The following PYM1 variants were observed in gnomAD, a reference collection of about 807,000 sequenced individuals.
PYM1 encodes the protein partner of Y14 and mago.
In PYM1, 7 loss-of-function variants were observed where a neutral mutation model predicts 20.7. The observed-to-expected ratio is 0.34, with a 90% CI of 0.19 to 0.64. The LOEUF is 0.64. Among genes scored for constraint, PYM1 ranks in the 30% least tolerant of loss-of-function variants. PYM1 has a pLI of 0.74. For synonymous variants in PYM1, 100 were observed against 99.2 expected, an observed-to-expected ratio of 1.01 and a Z score of -0.05; for missense variants, 194 against 250.0, an observed-to-expected ratio of 0.78 and a Z score of 1.51.
chr12:55,908,441 A>G (rs547445176), intron 1 of PYM1, among the ~76,000 whole-genome samples: 1 of 151,344 alleles, frequency 6.6e-6, no homozygotes, highest in East Asian at 1.9e-4. Context: ...AAAAAAAAAA[A>G]GAAGAAAGAA....
At chr12:55,911,185 T>A (rs1345338337) in intron 1 of PYM1, among the ~76,000 whole-genome samples, 1 of 152,194 alleles carries the variant, frequency 6.6e-6, no homozygotes, top group Non-Finnish European at 1.5e-5. Context: ...CTCTGCTCAC[T>A]GCAACCTCCG....
chr12:55,901,849 C>A lies in PYM1; in HGVS notation c.*23G>T. 1 of 1,582,562 alleles carries A rather than the reference C, an allele frequency of 6.3e-7. No homozygotes were observed. The highest frequency in any genetic ancestry group is 1.2e-5 in the South Asian group (1 of 86,450). The stretch of plus-strand genomic sequence containing the variant: ...AGAGCCCCACGGTTTGTTCTGCAGT[C>A]CATTCCCTATTCCCCAAAGGCCTCA... On this transcript the variant is annotated 3_prime_UTR_variant, in exon 3 of 3. Coordinates refer to ENST00000408946, the MANE Select transcript of PYM1 (RefSeq NM_032345.3).
intron 1 of PYM1, among the ~76,000 whole-genome samples, chr12:55,915,356 C>G (rs947998183): frequency 4.6e-5 from 7 of 151,592 alleles, no homozygotes; most frequent in Non-Finnish European, 1.0e-4. Flanking sequence ...AATACAGCCT[C>G]AGAAAAGCAC....
chr12:55,904,706 GTC>G (rs1482312136), intron 1 of PYM1, among the ~76,000 whole-genome samples: 1 of 151,104 alleles, frequency 6.6e-6, no homozygotes, highest in East Asian at 2.0e-4. Context: ...GTGAAACCCT[GTC>G]TCTACTAAAA....
At chr12:55,903,909 T>C (rs1239526281) in intron 1 of PYM1, among the ~76,000 whole-genome samples, 2 of 152,180 alleles carry the variant, frequency 1.3e-5, no homozygotes, top group Non-Finnish European at 2.9e-5. Flanking sequence ...TAGGAATTCA[T>C]ACCATAGATA....
chr12:55,923,211 C>G (rs937756387), intron 1 of PYM1, among the ~76,000 whole-genome samples: 15 of 149,918 alleles, frequency 1.0e-4, no homozygotes, highest in African/African-American at 4.9e-5. Context: ...GCAACAAGAG[C>G]AGAACTCCGT....
chr12:55,914,555 A>T (rs367810337), intron 1 of PYM1, among the ~76,000 whole-genome samples: 1 of 152,170 alleles, frequency 6.6e-6, no homozygotes, highest in Non-Finnish European at 1.5e-5. Flanking sequence ...TTACACTGAA[A>T]GGGTCCTTGT....
chr12:55,921,884 GT>G (rs1419989084), intron 1 of PYM1, among the ~76,000 whole-genome samples: 1 of 152,004 alleles, frequency 6.6e-6, no homozygotes, highest in Non-Finnish European at 1.5e-5. Flanking sequence ...CAAATAGTGT[GT>G]TTTTTTAATT....
rs1218022642 is a variant in PYM1, at chr12:55,924,665, A to C, written c.37+3060T>G. 3.3e-5 allele frequency among the ~76,000 whole-genome samples: 5 copies of C among 152,138 alleles called. No individual in the cohort carries two copies. In the East Asian group the frequency reaches 9.6e-4, roughly 29 times the overall value. ...CAGCTATGGAAGAACATAAAAAATA[A>C]ATTTAAATATTTATTTATTATTTAT... On this transcript the variant is annotated intron_variant, in intron 1 of 2. Transcript: ENST00000408946.
At chr12:55,927,299 T>TTTA in intron 1 of PYM1, 2 of 874,600 alleles carry the variant, frequency 2.3e-6, no homozygotes, top group Non-Finnish European at 3.7e-6. Flanking sequence ...AGCCGTGGGC[T>TTTA]TTTTACTGCC....
intron 1 of PYM1, among the ~76,000 whole-genome samples, chr12:55,903,924 C>G (rs1436215390): frequency 1.3e-5 from 2 of 152,082 alleles, no homozygotes; most frequent in East Asian, 3.9e-4. Flanking sequence ...TAGATACATA[C>G]ACACCAGTAC....
At chr12:55,905,865 ATATATATCTATTAGATATATATATTAT>A in intron 1 of PYM1, among the ~76,000 whole-genome samples, 1 of 127,572 alleles carries the variant, frequency 7.8e-6, no homozygotes, top group Non-Finnish European at 1.6e-5. Flanking sequence ...TATTAGATAT[ATATATATCTATTAGATATATATATTAT>A]TATATATATC....
chr12:55,918,343 G>T (rs983256421), intron 1 of PYM1, among the ~76,000 whole-genome samples: 4 of 152,006 alleles, frequency 2.6e-5, no homozygotes, highest in Admixed American at 6.5e-5. Flanking sequence ...CTCATGATCC[G>T]CCCGCTTCGG....
chr12:55,912,590 GGA>G (rs1882943615), intron 1 of PYM1, among the ~76,000 whole-genome samples: 3 of 141,846 alleles, frequency 2.1e-5, no homozygotes, highest in Non-Finnish European at 4.7e-5. Context: ...GCAAGAGGGG[GGA>G]AAAAAAAAAG....
intron 1 of PYM1, among the ~76,000 whole-genome samples, chr12:55,920,539 G>A (rs1178138390): frequency 6.6e-6 from 1 of 151,586 alleles, no homozygotes; most frequent in Admixed American, 6.6e-5. Context: ...TCGGGAGGCT[G>A]AGGCAGGAGA....
chr12:55,924,814 T>C (rs1883161699), intron 1 of PYM1, among the ~76,000 whole-genome samples: 1 of 152,154 alleles, frequency 6.6e-6, no homozygotes, highest in Non-Finnish European at 1.5e-5. Context: ...GTAGCTGAGA[T>C]GACAGGCCCA....
intron 1 of PYM1, chr12:55,914,474 T>C (rs1882973746): frequency 6.3e-6 from 4 of 639,968 alleles, no homozygotes; most frequent in South Asian, 5.1e-5. Flanking sequence ...TTTTAAGCTT[T>C]GTCATTTTCT....
At chr12:55,904,595 CAAAAAAAAAAAAAAAAA>C (rs57817659) in intron 1 of PYM1, among the ~76,000 whole-genome samples, 1 of 66,976 alleles carries the variant, frequency 1.5e-5, no homozygotes, top group Admixed American at 2.2e-4. Flanking sequence ...GACTCCATCT[CAAAAAAAAAAAAAAAAA>C]AAAAAAAGAA....
At chr12:55,918,286 G>C (rs964380192) in intron 1 of PYM1, among the ~76,000 whole-genome samples, 3 of 151,854 alleles carry the variant, frequency 2.0e-5, no homozygotes, top group Admixed American at 2.0e-4. Flanking sequence ...ATTTTTAGTA[G>C]AGATGGGGTT....
Sources: gnomAD v4.1 joint callset for allele counts (sites outside exome capture counted in the v4.1 genomes callset) on GRCh38, gnomAD v4.1.1 for gene constraint, MANE v1.5 for transcripts, NCBI Gene and HGNC (gene_info 2026-07-23, HGNC 2026-07-21) for gene names.